Variants in NRG1 observed in about 807,000 individuals in gnomAD.
The protein encoded by NRG1 is pro-neuregulin-1, membrane-bound isoform.
In NRG1, 18 loss-of-function variants were observed where a neutral mutation model predicts 63.8. The ratio of observed to expected loss-of-function variants is 0.28; its 90% CI spans 0.19 to 0.42. The LOEUF is 0.42. NRG1 is among the 10% of genes least tolerant of loss of function. The pLI, the probability that NRG1 is intolerant of heterozygous loss-of-function variation, is 1.00. For synonymous variants in NRG1, 302 were observed against 301.3 expected, an observed-to-expected ratio of 1.00 and a Z score of -0.02; for missense variants, 762 against 814.7, an observed-to-expected ratio of 0.94 and a Z score of 0.79.
intron 1 of NRG1, among the ~76,000 whole-genome samples, chr8:32,594,406 A>T (rs1323274671): frequency 6.6e-6 from 1 of 152,184 alleles, no homozygotes; most frequent in Non-Finnish European, 1.5e-5. Flanking sequence ...GTTCTGTGAC[A>T]TTTGTTGATT....
chr8:32,655,550 A>T (rs1053703281), intron 5 of NRG1, among the ~76,000 whole-genome samples: 3 of 152,192 alleles, frequency 2.0e-5, no homozygotes, highest in African/African-American at 7.2e-5. Flanking sequence ...CACAAGTGCT[A>T]ACATTTCTAG....
intron 1 of NRG1, among the ~76,000 whole-genome samples, chr8:32,124,795 T>G (rs1237607077): frequency 1.3e-5 from 2 of 151,934 alleles, no homozygotes; most frequent in African/African-American, 4.8e-5. Flanking sequence ...TAGTATTTCT[T>G]GAGTGTTCAC....
intron 1 of NRG1, among the ~76,000 whole-genome samples, chr8:32,352,113 C>T (rs1197175119): frequency 6.6e-6 from 1 of 150,664 alleles, no homozygotes; most frequent in East Asian, 2.0e-4. Flanking sequence ...GTCCTAAAGC[C>T]TTAAAGATCC....
chr8:32,629,835 A>C (rs886279550), intron 5 of NRG1, among the ~76,000 whole-genome samples: 2 of 152,182 alleles, frequency 1.3e-5, no homozygotes, highest in Non-Finnish European at 2.9e-5. Flanking sequence ...TGTAGTGCTG[A>C]AGAGGCACTT....
At chr8:32,523,175 T>C (rs901134520) in intron 1 of NRG1, among the ~76,000 whole-genome samples, 4 of 152,142 alleles carry the variant, frequency 2.6e-5, no homozygotes, top group African/African-American at 9.7e-5. Context: ...CCTCTACAGA[T>C]CTTGAGTCTC....
chr8:32,145,341 T>C (rs76710686), intron 1 of NRG1, among the ~76,000 whole-genome samples: 1,922 of 152,342 alleles, frequency 0.013, 50 homozygotes, highest in African/African-American at 0.044. Flanking sequence ...GCCATTCTTA[T>C]GGCTTAAATT....
At chr8:32,492,138 A>G (rs9694163) in intron 1 of NRG1, among the ~76,000 whole-genome samples, 2 of 151,566 alleles carry the variant, frequency 1.3e-5, no homozygotes, top group Admixed American at 1.3e-4. Flanking sequence ...AAAAAAAAAA[A>G]CATTTTTTTC....
At position 31,865,554 on chromosome 8, in the gene NRG1, T is replaced by C. The variant is rs151051817; in HGVS notation, c.37+226123T>C. 4.1e-3 allele frequency among the ~76,000 whole-genome samples: 631 copies of C among 152,222 alleles called. 7 individuals carry two copies. Among genetic ancestry groups the C allele is most frequent in the African/African-American group, 0.015 (610 of 41,546 alleles). Reference sequence around the variant, plus strand: ...AATTTCATCATGGGGGGCAGTTACCTCCATGCTGTTCTTGTGATAGTGAGT... The same window carrying C: ...AATTTCATCATGGGGGGCAGTTACCCCCATGCTGTTCTTGTGATAGTGAGT... On this transcript the variant is annotated intron_variant, in intron 1 of 10. Transcript: ENST00000519301.
intron 7 of NRG1, among the ~76,000 whole-genome samples, chr8:32,745,413 T>G (rs1192603546): frequency 1.3e-5 from 2 of 152,148 alleles, no homozygotes; most frequent in Admixed American, 6.6e-5. Flanking sequence ...ACATAAAACT[T>G]ACATTATTCA....
chr8:32,121,398 C>CGTGTGT (rs140452698), intron 1 of NRG1, among the ~76,000 whole-genome samples: 5 of 148,792 alleles, frequency 3.4e-5, no homozygotes, highest in African/African-American at 9.9e-5. Flanking sequence ...CCTGGGAAAT[C>CGTGTGT]GTGTGTGTGT....
chr8:31,683,573 T>A (rs1808562437), intron 1 of NRG1, among the ~76,000 whole-genome samples: 1 of 152,152 alleles, frequency 6.6e-6, no homozygotes, highest in South Asian at 2.1e-4. Flanking sequence ...GCATGTAGGA[T>A]CTTCAGGGCG....
intron 1 of NRG1, among the ~76,000 whole-genome samples, chr8:32,569,159 C>T (rs910917149): frequency 2.6e-5 from 4 of 152,114 alleles, no homozygotes; most frequent in Admixed American, 2.0e-4. Context: ...AAGCAATTCT[C>T]CTGCCTCAGG....
intron 5 of NRG1, among the ~76,000 whole-genome samples, chr8:32,687,960 C>T (rs1334512194): frequency 6.6e-6 from 1 of 152,128 alleles, no homozygotes; most frequent in Non-Finnish European, 1.5e-5. Context: ...AGTCACCTCC[C>T]ACCAGGTCCC....
chr8:31,816,201 C>A lies in NRG1; in HGVS notation c.37+176770C>A, dbSNP rs148306938. On this transcript the variant is annotated intron_variant, in intron 1 of 10. Transcript: ENST00000519301. ...TTTCTCTGTCATTATATAACCCCTT[C>A]ATCCTAAGACTCACACATGAGCACC... 3.8e-3 allele frequency among the ~76,000 whole-genome samples: 583 copies of A among 152,270 alleles called. 1 individual carries two copies. The highest frequency in any genetic ancestry group is 0.02 in the Middle Eastern group (6 of 294).
At chr8:31,854,311 A>C (rs185423755) in intron 1 of NRG1, among the ~76,000 whole-genome samples, 1,528 of 152,294 alleles carry the variant, frequency 0.01, 11 homozygotes, top group Non-Finnish European at 0.013. Flanking sequence ...GTCTACTCAG[A>C]GATTCAACTT....
intron 1 of NRG1, among the ~76,000 whole-genome samples, chr8:32,573,102 A>G (rs1008703844): frequency 6.6e-6 from 1 of 152,188 alleles, no homozygotes; most frequent in Non-Finnish European, 1.5e-5. Flanking sequence ...GCATTCTCAG[A>G]TAACATTCTG....
downstream of NRG1, among the ~76,000 whole-genome samples, chr8:32,771,143 A>T (rs1251708256): frequency 6.6e-6 from 1 of 151,852 alleles, no homozygotes; most frequent in South Asian, 2.1e-4. Context: ...CAGGGTCTTG[A>T]TCTGTCACCC....
At chr8:31,780,799 TGAG>T (rs1179914732) in intron 1 of NRG1, among the ~76,000 whole-genome samples, 1 of 152,178 alleles carries the variant, frequency 6.6e-6, no homozygotes, top group African/African-American at 2.4e-5. Flanking sequence ...ACCTGGGAGA[TGAG>T]GAACCTTGGT....
At chr8:31,984,470 C>T (rs1447884269) in intron 1 of NRG1, among the ~76,000 whole-genome samples, 2 of 152,036 alleles carry the variant, frequency 1.3e-5, no homozygotes, top group Non-Finnish European at 2.9e-5. Flanking sequence ...ACATTTGGAA[C>T]TTATCCTAAA....
Sources: gnomAD v4.1 joint callset for allele counts (sites outside exome capture counted in the v4.1 genomes callset) on GRCh38, gnomAD v4.1.1 for gene constraint, MANE v1.5 for transcripts, NCBI Gene and HGNC (gene_info 2026-07-23, HGNC 2026-07-21) for gene names.